Variants in SCN1A observed in about 807,000 individuals in gnomAD.
SCN1A encodes sodium channel protein type 1 subunit alpha.
A neutral mutation model predicts 193.7 loss-of-function variants in SCN1A; 13 were observed. The ratio of observed to expected loss-of-function variants is 0.07; its 90% CI spans 0.04 to 0.11. The LOEUF is 0.11. Among genes scored for constraint, SCN1A ranks in the 10% least tolerant of loss-of-function variants. The probability of loss-of-function intolerance (pLI) is 1.00; values close to 1 mark genes in which losing one functional copy is unlikely to be tolerated. For synonymous variants in SCN1A, 781 were observed against 843.6 expected (o/e 0.93, Z 1.29); for missense variants, 1,432 against 2,451.1 (o/e 0.58, Z 8.78).
intron 19 of SCN1A, among the ~76,000 whole-genome samples, chr2:166,027,886 A>T (rs181112469): frequency 6.6e-6 from 1 of 152,262 alleles, no homozygotes; most frequent in East Asian, 1.9e-4. Flanking sequence ...AACAAAGGAA[A>T]ATATAATATC....
rs796053049 is a variant in SCN1A, at chr2:165,991,469, T to C, written c.5806A>G (p.Lys1936Glu). The change falls in exon 29 of 29, where the codon AAA (lysine) becomes GAA (glutamate). Residue 1936 changes from lysine (K) to glutamate (E), a missense_variant. Lys to Glu is a moderately conservative substitution (Grantham distance 56, BLOSUM62 1). This residue lies in a region of SCN1A where 148 missense variants were observed against 160.3 expected (regional missense o/e 0.92). Coordinates refer to ENST00000674923, the MANE Select transcript of SCN1A (RefSeq NM_001165963.4). ...TTATTGTACGTAAAGGAAGCTTGTT[T>C]TACAGTTCGCTTTAAAAGGTGGCGT... ...YRRHLLKRTV[K>E]QASFTYNKNK... 5.0e-6 allele frequency: 8 copies of C among 1,613,922 alleles called. No individual in the cohort carries two copies. The highest frequency in any genetic ancestry group is 6.8e-6 in the Non-Finnish European group (8 of 1,179,880).
intron 1 of SCN1A, among the ~76,000 whole-genome samples, chr2:166,141,277 A>T (rs1389307238): frequency 6.6e-6 from 1 of 150,860 alleles, no homozygotes; most frequent in Non-Finnish European, 1.5e-5. Flanking sequence ...CTCTTCCCTC[A>T]GGCCCAGTCT....
chr2:166,029,219 C>A (rs1290576961), intron 19 of SCN1A, among the ~76,000 whole-genome samples: 1 of 151,972 alleles, frequency 6.6e-6, no homozygotes, highest in Non-Finnish European at 1.5e-5. Context: ...TGGGCAACTC[C>A]TGAAAGGTTA....
intron 7 of SCN1A, 101 bp downstream of exon 7, chr2:166,054,537 C>G (rs965148368): frequency 2.5e-5 from 32 of 1,282,874 alleles, no homozygotes; most frequent in Non-Finnish European, 4.5e-6. Flanking sequence ...ATAAATCACA[C>G]CAAAATATTC....
chr2:166,023,371 C>T (rs1016417067), intron 19 of SCN1A, among the ~76,000 whole-genome samples: 1 of 152,236 alleles, frequency 6.6e-6, no homozygotes, highest in African/African-American at 2.4e-5. Flanking sequence ...AAGCCACCAA[C>T]AATAAACTGG....
rs1350798 is a variant in SCN1A, at chr2:166,002,822, A to G, written c.4003-69T>C. Reference sequence around the variant, plus strand: ...GTTAATAAAGAAAAAAAATTCCCCTAGTAATCTCTGGTCTTTCCATTCTTT... The same window carrying G: ...GTTAATAAAGAAAAAAAATTCCCCTGGTAATCTCTGGTCTTTCCATTCTTT... On this transcript the variant is annotated intron_variant, in intron 23 of 28. Coordinates refer to ENST00000674923, the MANE Select transcript of SCN1A (RefSeq NM_001165963.4). 6.6e-3 allele frequency: 8,709 copies of G among 1,315,502 alleles called. 529 individuals are homozygous for G. In the African/African-American group the frequency reaches 0.12, roughly 18 times the overall value. 81.5% of individuals were successfully genotyped at this position (1,315,502 alleles called of 1,614,324 possible).
At chr2:166,100,969 G>C (rs1687991079) in intron 2 of SCN1A, among the ~76,000 whole-genome samples, 5 of 56,372 alleles carry the variant, frequency 8.9e-5, no homozygotes, top group African/African-American at 2.2e-4. Flanking sequence ...CAGGGATCTA[G>C]AACTAGAAAT....
At chr2:166,042,198 T>G (rs1019081583) in intron 15 of SCN1A, 94 bp downstream of exon 15, 8 of 1,218,256 alleles carry the variant, frequency 6.6e-6, no homozygotes, top group Non-Finnish European at 7.1e-6. Flanking sequence ...TTCATTAGAA[T>G]GCACTATTCC....
At chr2:166,088,265 T>C (rs1686368421) in intron 2 of SCN1A, among the ~76,000 whole-genome samples, 1 of 152,044 alleles carries the variant, frequency 6.6e-6, no homozygotes, top group Non-Finnish European at 1.5e-5. Flanking sequence ...TTTTGGTACA[T>C]CAAAGTGAAT....
In SCN1A at chr2:166,051,949, T is replaced by C. The variant is rs202240491; in HGVS notation, c.734A>G (p.Lys245Arg). The part of the protein sequence containing the change: ...TIVGALIQSV[K>R]KLSDVMILTV... ...CAGGATCATTACATCTGAGAGCTTC[T>C]TCACAGACTGGATCAGGGCTCCCAC... The change falls in exon 9 of 29, where the codon AAG becomes AGG. Residue 245 changes from lysine (K) to arginine (R), a missense_variant. Coordinates refer to ENST00000674923, the MANE Select transcript of SCN1A (RefSeq NM_001165963.4). 5.0e-6 allele frequency: 8 copies of C among 1,612,074 alleles called. No homozygotes were observed. In the South Asian group the frequency reaches 8.8e-5, roughly 18 times the overall value.
chr2:166,047,604 G>C, intron 11 of SCN1A, 23 bp downstream of exon 11: 1 of 1,612,262 alleles, frequency 6.2e-7, no homozygotes, highest in Non-Finnish European at 8.5e-7. Context: ...CTTAAATGGA[G>C]AGTGTGGCTC....
intron 2 of SCN1A, among the ~76,000 whole-genome samples, chr2:166,109,926 C>T (rs1451323016): frequency 6.6e-6 from 1 of 151,730 alleles, no homozygotes; most frequent in African/African-American, 2.4e-5. Flanking sequence ...GAATAAGATC[C>T]AGAAATGTAG....
intron 12 of SCN1A, among the ~76,000 whole-genome samples, chr2:166,046,093 T>C (rs1697793522): frequency 6.6e-6 from 1 of 152,164 alleles, no homozygotes; most frequent in Non-Finnish European, 1.5e-5. Context: ...GCATATAAAT[T>C]AATATTTCTG....
At position 166,058,697 on chromosome 2, in the gene SCN1A, C is replaced by T; in HGVS notation, c.265-9G>A. ...TTCAATACTATAAAAGTCTGTAAGA[C>T]AGGAACACAACATAGAAGTATGAAA... On this transcript the variant is annotated splice_polypyrimidine_tract_variant and intron_variant, in intron 4 of 28. Transcript: ENST00000674923. 7.0e-7 allele frequency: 1 copy of T among 1,424,694 alleles called. No individual in the cohort carries two copies. Among genetic ancestry groups the T allele is most frequent in the Non-Finnish European group, 9.9e-7 (1 of 1,007,968 alleles). 88.3% of individuals were successfully genotyped at this position (1,424,694 alleles called of 1,614,324 possible).
chr2:166,135,440 A>C (rs1030443526), intron 1 of SCN1A, among the ~76,000 whole-genome samples: 1 of 152,220 alleles, frequency 6.6e-6, no homozygotes, highest in East Asian at 1.9e-4. Flanking sequence ...TCAAAGGCAG[A>C]AAGTCATTGA....
chr2:166,126,287 T>C (rs1384278274), intron 2 of SCN1A: 4 of 152,206 alleles, frequency 2.6e-5, no homozygotes, highest in African/African-American at 7.2e-5. Flanking sequence ...AGAAGAGAGA[T>C]GTGATTTTGT....
chr2:166,098,022 G>A (rs933749537), intron 2 of SCN1A, among the ~76,000 whole-genome samples: 2 of 152,130 alleles, frequency 1.3e-5, no homozygotes, highest in Non-Finnish European at 2.9e-5. Context: ...CAATTCACAA[G>A]AAATATCTAT....
chr2:166,084,666 A>G (rs949816528), intron 2 of SCN1A, among the ~76,000 whole-genome samples: 9 of 152,164 alleles, frequency 5.9e-5, no homozygotes, highest in Non-Finnish European at 1.3e-4. Flanking sequence ...TTCTTTGGAA[A>G]TATCTACTTT....
chr2:166,119,278 A>G (rs1051805662), intron 2 of SCN1A, among the ~76,000 whole-genome samples: 7 of 152,238 alleles, frequency 4.6e-5, no homozygotes, highest in South Asian at 2.1e-4. Flanking sequence ...CTCAACACAT[A>G]TAATTTCACA....
Sources: gnomAD v4.1 joint callset for allele counts (sites outside exome capture counted in the v4.1 genomes callset) on GRCh38, gnomAD v4.1.1 for gene constraint, gnomAD v4.1.1 regional missense constraint, MANE v1.5 for transcripts, NCBI Gene and HGNC (gene_info 2026-07-23, HGNC 2026-07-21) for gene names.